Variants in ERCC6L2 observed in about 807,000 individuals in gnomAD.
ERCC6L2 encodes the protein DNA excision repair protein ERCC-6-like 2.
Under a neutral mutation model 132.0 loss-of-function variants are expected in ERCC6L2, and 77 were observed. The observed-to-expected ratio is 0.58, with a 90% CI of 0.49 to 0.71. The LOEUF is 0.71. ERCC6L2 is among the 30% of genes least tolerant of loss of function. The pLI is 0.00. For synonymous variants in ERCC6L2, 583 were observed against 632.4 expected (o/e 0.92, Z 1.17); for missense variants, 1,542 against 1,837.6 (o/e 0.84, Z 2.94).
At chr9:95,902,602 G>C (rs4743391) in intron 3 of ERCC6L2, among the ~76,000 whole-genome samples, 27,052 of 152,008 alleles carry the variant, frequency 0.18, 2,488 homozygotes, top group South Asian at 0.28. Flanking sequence ...TTGGATAGCA[G>C]GTAGAGCTGG....
chr9:95,954,623 AT>A (rs1387919783), intron 12 of ERCC6L2: 2 of 372,838 alleles, frequency 5.4e-6, no homozygotes, highest in East Asian at 1.5e-4. Context: ...GTCTGTAAAG[AT>A]TAAAGGATGT....
intron 13 of ERCC6L2, among the ~76,000 whole-genome samples, chr9:95,960,019 C>T (rs1273723996): frequency 3.3e-5 from 5 of 152,206 alleles, no homozygotes; most frequent in East Asian, 1.9e-4. Flanking sequence ...TGTAACAAGA[C>T]GGTTTAGCCC....
chr9:96,037,758 G>C (rs1376624702), intron 19 of ERCC6L2, among the ~76,000 whole-genome samples: 2 of 152,180 alleles, frequency 1.3e-5, no homozygotes, highest in African/African-American at 4.8e-5. Flanking sequence ...ATCCCACAGA[G>C]AGATCAACAA....
chr9:95,941,426 G>C (rs760265576), intron 11 of ERCC6L2, 28 bp from the exon 12 acceptor site: 1 of 1,542,928 alleles, frequency 6.5e-7, no homozygotes, highest in Non-Finnish European at 8.9e-7. Context: ...CTGTTCTAAT[G>C]TGCTTTTTTT....
chr9:96,017,867 G>A lies in ERCC6L2; in HGVS notation c.*4664G>A, dbSNP rs1315118169. On this transcript the variant is annotated 3_prime_UTR_variant, in exon 19 of 19. Transcript: ENST00000653738. The stretch of plus-strand genomic sequence containing the variant: ...GAAGAAAGCATTCCAAGTACCTATC[G>A]ATGAATAAGCAAAATATTACACACA... Among the ~76,000 whole-genome samples the A allele has an allele frequency of 1.3e-5, 2 of 151,080 alleles. No homozygotes were observed. The highest frequency in any genetic ancestry group is 2.9e-5 in the Non-Finnish European group (2 of 67,808).
At position 95,972,417 on chromosome 9, in the gene ERCC6L2, A is replaced by C; in HGVS notation, c.2666A>C (p.His889Pro). Residue 889 changes from histidine (H) to proline (P), a missense_variant, in exon 16 of 19, where the codon CAT (histidine) becomes CCT (proline). His to Pro is a moderately conservative substitution (Grantham distance 77). This residue lies in a region of ERCC6L2 where 945 missense variants were observed against 1,105.2 expected (regional missense o/e 0.86). Transcript: ENST00000653738. Reference sequence around the variant, plus strand: ...AAAAAAATTAAAAATACAGATAAACATTGCATTTTACAGAATGTCACAGAA... The same window carrying C: ...AAAAAAATTAAAAATACAGATAAACCTTGCATTTTACAGAATGTCACAGAA... Reference protein sequence around the residue: ...DEKKIKNTDKHCILQNVTESE... With the variant: ...DEKKIKNTDKPCILQNVTESE... 3 of 1,278,300 alleles carry C rather than the reference A, an allele frequency of 2.3e-6. No homozygotes were observed. Among genetic ancestry groups the C allele is most frequent in the Non-Finnish European group, 3.0e-6 (3 of 985,180 alleles). The allele number at this position is 1,278,300 out of a possible 1,614,324, so 79.2% of individuals were successfully genotyped here.
chr9:96,020,856 T>C, downstream of ERCC6L2: 1 of 456,678 alleles, frequency 2.2e-6, no homozygotes, highest in South Asian at 1.5e-5. Flanking sequence ...AGCAGCAACG[T>C]GGGCTGTTTG....
Position 95,935,408 on chromosome 9 carries a change from C to T in ERCC6L2, c.1752-6046C>T, listed in dbSNP as rs139653176. On this transcript the variant is annotated intron_variant, in intron 11 of 18. Transcript: ENST00000653738. The stretch of plus-strand genomic sequence containing the variant: ...TAGGAGAACTCATGAGTTATTTTAA[C>T]GAAGCTCAGTTTAACAGAGTGTAAG... 2.7e-3 allele frequency among the ~76,000 whole-genome samples: 418 copies of T among 152,204 alleles called. 1 individual carries two copies. The highest frequency in any genetic ancestry group is 9.6e-3 in the African/African-American group (397 of 41,540).
At chr9:95,963,301 T>G (rs2133036974) in intron 13 of ERCC6L2, among the ~76,000 whole-genome samples, 1 of 152,184 alleles carries the variant, frequency 6.6e-6, no homozygotes, top group African/African-American at 2.4e-5. Context: ...TGCTTTCTCT[T>G]TGTCTCAGCC....
At chr9:95,958,034 C>G in intron 13 of ERCC6L2, among the ~76,000 whole-genome samples, 2 of 115,994 alleles carry the variant, frequency 1.7e-5, no homozygotes, top group African/African-American at 3.3e-5. Flanking sequence ...CCCCTCCCCC[C>G]ACCCCACAAC....
chr9:95,919,921 C>T (rs1216105291), intron 6 of ERCC6L2, among the ~76,000 whole-genome samples: 2 of 152,158 alleles, frequency 1.3e-5, no homozygotes. Context: ...GCTTTCAAAC[C>T]AGTGCCAGAC....
chr9:95,900,455 C>CTAA (rs1828714721), intron 3 of ERCC6L2, among the ~76,000 whole-genome samples: 1 of 151,236 alleles, frequency 6.6e-6, no homozygotes, highest in Non-Finnish European at 1.5e-5. Context: ...GTAGTTTTTT[C>CTAA]GTTAGTCTTT....
chr9:95,907,408 T>G (rs1224894949), intron 4 of ERCC6L2, 137 bp downstream of exon 4: 1 of 658,976 alleles, frequency 1.5e-6, no homozygotes, highest in Non-Finnish European at 2.3e-6. Flanking sequence ...TTTCGCCACG[T>G]TGCCCAGGCT....
At chr9:96,005,900 A>G (rs189890920) in intron 18 of ERCC6L2, among the ~76,000 whole-genome samples, 13 of 152,326 alleles carry the variant, frequency 8.5e-5, no homozygotes, top group Admixed American at 3.9e-4. Flanking sequence ...AGCCAAGTAG[A>G]TGAATTCAAT....
intron 11 of ERCC6L2, among the ~76,000 whole-genome samples, chr9:95,936,276 G>A (rs113049636): frequency 0.024 from 3,658 of 152,236 alleles, 126 homozygotes; most frequent in African/African-American, 0.074. Context: ...AATATATGGA[G>A]AAAAAGAACT....
intron 1 of ERCC6L2, among the ~76,000 whole-genome samples, chr9:95,878,877 G>T (rs1752104998): frequency 6.6e-6 from 1 of 151,566 alleles, no homozygotes; most frequent in African/African-American, 2.4e-5. Context: ...TGGTGTATAT[G>T]TGCCACATTT....
intron 12 of ERCC6L2, among the ~76,000 whole-genome samples, chr9:95,952,029 G>A (rs62562986): frequency 0.093 from 14,110 of 151,590 alleles, 759 homozygotes; most frequent in Admixed American, 0.14. Flanking sequence ...TTAGCTGGGC[G>A]TGGTGGCGTG....
In ERCC6L2 at chr9:96,018,237, G is replaced by T. The variant is rs562068240; in HGVS notation, c.*5034G>T. Among the ~76,000 whole-genome samples the T allele has an allele frequency of 2.0e-5, 3 of 152,182 alleles. No individual in the cohort carries two copies. The highest frequency in any genetic ancestry group is 7.2e-5 in the African/African-American group (3 of 41,498). On this transcript the variant is annotated 3_prime_UTR_variant, in exon 19 of 19. Transcript: ENST00000653738. ...AAAAGTCATTAAAATGCTAAATTTT[G>T]TATGTGTTTTACAATTTTAAAAATG...
Position 96,013,650 on chromosome 9 carries a change from G to A in ERCC6L2, c.*447G>A, listed in dbSNP as rs1373073717. ...ATCATGTCTGCCCCTCAAATCAGGT[G>A]TATACCAATGTGTTTTTTACTAGCA... On this transcript the variant is annotated 3_prime_UTR_variant, in exon 19 of 19. Transcript: ENST00000653738. 5 of 152,944 alleles carry A rather than the reference G, an allele frequency of 3.3e-5. No individual in the cohort carries two copies. Among genetic ancestry groups the A allele is most frequent in the East Asian group, 1.9e-4 (1 of 5,206 alleles). 9.5% of individuals were successfully genotyped at this position (152,944 alleles called of 1,614,324 possible). A position where few individuals can be genotyped will look rare whatever the true frequency, so the allele number is the denominator to read the frequency against.
Sources: allele counts gnomAD v4.1 joint callset (sites outside exome capture counted in the v4.1 genomes callset), GRCh38; gene constraint gnomAD v4.1.1; regional missense constraint gnomAD v4.1.1; transcripts MANE v1.5; gene names NCBI Gene and HGNC (gene_info 2026-07-23, HGNC 2026-07-21).